Variants in NAV2 observed in about 807,000 individuals in gnomAD.
NAV2 encodes the protein helicase, APC down-regulated 1.
Under a neutral mutation model 223.2 loss-of-function variants are expected in NAV2, and 54 were observed. The ratio of observed to expected loss-of-function variants is 0.24; its 90% CI spans 0.19 to 0.30. The LOEUF is 0.30. Ranked by LOEUF, NAV2 falls within the 10% of genes least tolerant of loss-of-function variation. The probability of loss-of-function intolerance (pLI) is 1.00; values close to 1 mark genes in which losing one functional copy is unlikely to be tolerated. For missense variants in NAV2, 2,806 were observed against 3,147.5 expected (o/e 0.89, Z 2.60); for synonymous variants, 1,279 against 1,239.3 (o/e 1.03, Z -0.67).
At chr11:19,418,818 G>C (rs1372365253) in intron 1 of NAV2, among the ~76,000 whole-genome samples, 1 of 152,126 alleles carries the variant, frequency 6.6e-6, no homozygotes, top group Admixed American at 6.5e-5. Flanking sequence ...TATATAGCTG[G>C]GTGGCCAGAG....
At chr11:19,974,958 G>A (rs114056455) in intron 10 of NAV2, among the ~76,000 whole-genome samples, 60 of 152,306 alleles carry the variant, frequency 3.9e-4, no homozygotes, top group African/African-American at 1.3e-3. Flanking sequence ...TAAGCATTTT[G>A]GTCAGGCTCT....
At chr11:19,892,715 C>A in intron 6 of NAV2, 121 bp downstream of exon 6, 2 of 1,070,046 alleles carry the variant, frequency 1.9e-6, no homozygotes, top group African/African-American at 1.6e-5. Flanking sequence ...GAATGAGTTA[C>A]AAGGACATAT....
At chr11:20,068,284 G>C (rs576836800) in intron 21 of NAV2, 40 bp from the exon 22 acceptor site, 1 of 1,611,178 alleles carries the variant, frequency 6.2e-7, no homozygotes, top group Non-Finnish European at 8.5e-7. Flanking sequence ...CTTGGAAATG[G>C]ACCCCCAAAG....
intron 6 of NAV2, among the ~76,000 whole-genome samples, chr11:19,929,331 A>T (rs1239006194): frequency 1.3e-5 from 2 of 152,198 alleles, no homozygotes; most frequent in Non-Finnish European, 2.9e-5. Context: ...GATCACTGGT[A>T]TGATATCCTA....
At chr11:19,699,912 C>A (rs2049460611) in intron 1 of NAV2, among the ~76,000 whole-genome samples, 1 of 152,188 alleles carries the variant, frequency 6.6e-6, no homozygotes, top group Non-Finnish European at 1.5e-5. Context: ...CAGCTCTGCA[C>A]ATACAGATCC....
chr11:19,948,889 A>T lies in NAV2; in HGVS notation c.2454A>T (p.Ser818=). Residue 818 remains serine, a synonymous_variant, in exon 10 of 38, where the codon TCA becomes TCT. Transcript: ENST00000349880. ...CCAGCAGGTTCATCAACACTGAGTC[A>T]GGTCGCTATGTGTACTCCGCCCCTC... is the stretch of plus-strand genomic sequence containing the variant. The part of the protein sequence containing the change: ...ANASRFINTE[S]GRYVYSAPLR... 2 of 1,614,094 alleles carry T rather than the reference A, an allele frequency of 1.2e-6. No homozygotes were observed. Among genetic ancestry groups the T allele is most frequent in the South Asian group, 2.2e-5 (2 of 91,070 alleles).
chr11:20,093,665 T>C (rs566138298), intron 29 of NAV2, among the ~76,000 whole-genome samples: 1 of 152,098 alleles, frequency 6.6e-6, no homozygotes, highest in Non-Finnish European at 1.5e-5. Flanking sequence ...TGCCAAGCCC[T>C]GGGAGCATGC....
chr11:19,842,828 C>T lies in NAV2; in HGVS notation c.386-43C>T, dbSNP rs1281635761. ...TCCTGAACATCACTACTGAAAGTGT[C>T]TCTCTGGTGATTTATTTTTCTGACT... On this transcript the variant is annotated intron_variant, in intron 2 of 37. Transcript: ENST00000349880. 3 of 1,597,856 alleles carry T rather than the reference C, an allele frequency of 1.9e-6. No homozygotes were observed. The South Asian group carries it at 3.3e-5, about 18-fold the overall frequency.
intron 1 of NAV2, among the ~76,000 whole-genome samples, chr11:19,558,930 G>A (rs1276048598): frequency 7.2e-5 from 11 of 152,236 alleles, no homozygotes; most frequent in East Asian, 1.9e-4. Flanking sequence ...ACATGGTGGC[G>A]CAGGACTCCA....
chr11:19,466,401 A>G (rs1419568983), intron 1 of NAV2, among the ~76,000 whole-genome samples: 1 of 152,202 alleles, frequency 6.6e-6, no homozygotes, highest in Non-Finnish European at 1.5e-5. Flanking sequence ...TTTGGGGGTG[A>G]AGCCTGCAGT....
intron 34 of NAV2, among the ~76,000 whole-genome samples, chr11:20,104,054 C>A (rs996482477): frequency 7.2e-5 from 11 of 152,204 alleles, no homozygotes; most frequent in African/African-American, 2.4e-4. Context: ...GAAGGGACTG[C>A]AGGTGACCCT....
At chr11:20,063,831 A>G (rs1363346555) in intron 20 of NAV2, among the ~76,000 whole-genome samples, 2 of 152,222 alleles carry the variant, frequency 1.3e-5, no homozygotes, top group African/African-American at 4.8e-5. Context: ...CCTGGTTTCT[A>G]TATAGCAGAA....
chr11:19,442,986 C>T (rs766018711), intron 1 of NAV2, among the ~76,000 whole-genome samples: 1 of 152,170 alleles, frequency 6.6e-6, no homozygotes, highest in African/African-American at 2.4e-5. Context: ...GTCCCCCTAC[C>T]TACCCATCAA....
At chr11:19,551,663 G>T (rs938033925) in intron 1 of NAV2, among the ~76,000 whole-genome samples, 1 of 152,210 alleles carries the variant, frequency 6.6e-6, no homozygotes, top group Admixed American at 6.5e-5. Flanking sequence ...AACAGAATAA[G>T]AAACTGTGAA....
At chr11:19,772,556 T>C (rs1333939772) in intron 1 of NAV2, among the ~76,000 whole-genome samples, 1 of 152,198 alleles carries the variant, frequency 6.6e-6, no homozygotes, top group African/African-American at 2.4e-5. Flanking sequence ...GTGAAGCTCT[T>C]CTGTGGTATT....
At chr11:19,650,538 C>A (rs2047940940) in intron 1 of NAV2, among the ~76,000 whole-genome samples, 1 of 152,168 alleles carries the variant, frequency 6.6e-6, no homozygotes, top group South Asian at 2.1e-4. Context: ...TAAAACACCA[C>A]CCACTGTATG....
At chr11:19,646,563 G>A (rs1480477698) in intron 1 of NAV2, among the ~76,000 whole-genome samples, 1 of 152,180 alleles carries the variant, frequency 6.6e-6, no homozygotes, top group Non-Finnish European at 1.5e-5. Flanking sequence ...TCAGAGGGCA[G>A]GAGGAAGAAT....
intron 1 of NAV2, among the ~76,000 whole-genome samples, chr11:19,369,094 C>G (rs1224563231): frequency 2.0e-5 from 3 of 152,164 alleles, no homozygotes; most frequent in African/African-American, 7.2e-5. Flanking sequence ...GCCGAGCTTC[C>G]TAAGTGGGAA....
chr11:19,953,301 C>T (rs1465933663), intron 10 of NAV2, among the ~76,000 whole-genome samples: 1 of 152,172 alleles, frequency 6.6e-6, no homozygotes, highest in Non-Finnish European at 1.5e-5. Flanking sequence ...GATCTGAATG[C>T]CTTAACTGAC....
Sources: allele counts gnomAD v4.1 joint callset (sites outside exome capture counted in the v4.1 genomes callset), GRCh38; gene constraint gnomAD v4.1.1; transcripts MANE v1.5; gene names NCBI Gene and HGNC (gene_info 2026-07-23, HGNC 2026-07-21).